GLYR1: variants seen among roughly 807,000 people sequenced by gnomAD.
The protein encoded by GLYR1 is glyoxylate reductase 1 homolog.
GLYR1 carries 21 observed loss-of-function variants against 72.7 expected under a neutral mutation model. The ratio of observed to expected loss-of-function variants is 0.29; its 90% CI spans 0.20 to 0.42. GLYR1 has a LOEUF of 0.42. Ranked by LOEUF, GLYR1 falls within the 10% of genes least tolerant of loss-of-function variation. The probability of loss-of-function intolerance (pLI) is 1.00; values close to 1 mark genes in which losing one functional copy is unlikely to be tolerated. For synonymous variants in GLYR1, 392 were observed against 270.2 expected (o/e 1.45, Z -4.42); for missense variants, 594 against 712.1 (o/e 0.83, Z 1.89).
chr16:4,825,068 G>A (rs1402118255), intron 5 of GLYR1, among the ~76,000 whole-genome samples: 1 of 152,092 alleles, frequency 6.6e-6, no homozygotes, highest in African/African-American at 2.4e-5. Context: ...AGGCCACCTG[G>A]ACAATTGCAA....
chr16:4,835,156 C>G (rs2085051140), intron 3 of GLYR1, among the ~76,000 whole-genome samples: 1 of 152,160 alleles, frequency 6.6e-6, no homozygotes, highest in African/African-American at 2.4e-5. Flanking sequence ...GGACAACAGA[C>G]TCCGAGACTT....
intron 5 of GLYR1, among the ~76,000 whole-genome samples, chr16:4,827,879 G>A (rs539091317): frequency 1.3e-5 from 2 of 151,862 alleles, no homozygotes; most frequent in Non-Finnish European, 2.9e-5. Flanking sequence ...CAGCCTGGGC[G>A]ACAGCACGAG....
At chr16:4,825,593 T>A (rs930183608) in intron 5 of GLYR1, among the ~76,000 whole-genome samples, 2 of 152,220 alleles carry the variant, frequency 1.3e-5, no homozygotes, top group Non-Finnish European at 1.5e-5. Flanking sequence ...CAATAAGTCC[T>A]ATTTTATACA....
At position 4,804,030 on chromosome 16, in the gene GLYR1, C is replaced by T. The variant is rs2082835305; in HGVS notation, c.*1206G>A. 6.6e-6 allele frequency: 1 copy of T among 152,248 alleles called. No individual in the cohort carries two copies. Among genetic ancestry groups the T allele is most frequent in the Non-Finnish European group, 1.5e-5 (1 of 68,116 alleles). The allele number at this position is 152,248 out of a possible 1,614,324, so 9.4% of individuals were successfully genotyped here. ...GGTAGGTCAGGCCCAGTTCTCTTCC[C>T]TCCCGACAGACCCCGGGCCCGGGAA... On this transcript the variant is annotated 3_prime_UTR_variant, in exon 16 of 16. Coordinates refer to ENST00000321919, the MANE Select transcript of GLYR1 (RefSeq NM_032569.4).
intron 15 of GLYR1, among the ~76,000 whole-genome samples, chr16:4,810,699 TAAAAAAA>T (rs551202037): frequency 0.029 from 623 of 21,844 alleles, 11 homozygotes; most frequent in African/African-American, 0.15. Context: ...CTGTCTCTAC[TAAAAAAA>T]AAAAAAAAAA....
intron 9 of GLYR1, among the ~76,000 whole-genome samples, chr16:4,820,371 T>G (rs1231646705): frequency 6.6e-6 from 1 of 152,198 alleles, no homozygotes; most frequent in Non-Finnish European, 1.5e-5. Flanking sequence ...TTAAGGTGGG[T>G]TGGGCAACAA....
chr16:4,811,486 C>T (rs568591091), intron 14 of GLYR1, 137 bp downstream of exon 14: 4 of 1,284,048 alleles, frequency 3.1e-6, no homozygotes, highest in Non-Finnish European at 2.2e-6. Context: ...ATCCCGCCCA[C>T]TGTGTTTCTG....
chr16:4,830,192 C>A (rs997014597), intron 5 of GLYR1, among the ~76,000 whole-genome samples: 9 of 148,018 alleles, frequency 6.1e-5, no homozygotes, highest in Admixed American at 3.4e-4. Context: ...GGATTACAGG[C>A]ATAAGCCACT....
At chr16:4,831,044 T>A (rs978824558) in intron 5 of GLYR1, among the ~76,000 whole-genome samples, 1 of 152,180 alleles carries the variant, frequency 6.6e-6, no homozygotes, top group African/African-American at 2.4e-5. Flanking sequence ...CTGGTACTCT[T>A]TCTCCACAAG....
intron 9 of GLYR1, among the ~76,000 whole-genome samples, chr16:4,818,954 T>A (rs1031017144): frequency 6.6e-6 from 1 of 152,124 alleles, no homozygotes; most frequent in Admixed American, 6.6e-5. Context: ...CACATTCACA[T>A]ACTCCGCCTG....
intron 5 of GLYR1, among the ~76,000 whole-genome samples, chr16:4,826,459 A>G (rs1567735389): frequency 6.6e-6 from 1 of 152,184 alleles, no homozygotes; most frequent in Non-Finnish European, 1.5e-5. Flanking sequence ...ATCCTAGAAA[A>G]GCAAGAACTC....
rs1360922021 is a variant in GLYR1, at chr16:4,804,359, C to G, written c.*877G>C. ...GAAACAGAAAGGAGCGCCCCCAACC[C>G]CCACTCCTCTTGGCTCATCACTAGT... On this transcript the variant is annotated 3_prime_UTR_variant, in exon 16 of 16. Coordinates refer to ENST00000321919, the MANE Select transcript of GLYR1 (RefSeq NM_032569.4). 1 of 153,170 alleles carries G rather than the reference C, an allele frequency of 6.5e-6. No homozygotes were observed. Among genetic ancestry groups the G allele is most frequent in the Non-Finnish European group, 1.5e-5 (1 of 68,520 alleles). 9.5% of individuals were successfully genotyped at this position (153,170 alleles called of 1,614,324 possible).
intron 2 of GLYR1, 82 bp downstream of exon 2, chr16:4,846,092 G>T: frequency 1.4e-6 from 2 of 1,464,420 alleles, no homozygotes; most frequent in South Asian, 2.3e-5. Flanking sequence ...CTCAATACTA[G>T]AAACTGAGAG....
At chr16:4,812,975 T>C (rs2083413311) in intron 12 of GLYR1, among the ~76,000 whole-genome samples, 1 of 151,310 alleles carries the variant, frequency 6.6e-6, no homozygotes, top group Admixed American at 6.6e-5. Context: ...TTTTTTTTTT[T>C]TTTTTGAGAC....
Position 4,812,180 on chromosome 16 carries a change from G to A in GLYR1, c.1188C>T (p.Asp396=), listed in dbSNP as rs188639121. The part of the protein sequence containing the change: ...PVSGNQQLSN[D]GMLVILAAGD... ...CAGCCGCTAAGATCACCAACATCCCGTCATTAGACAGCTGCTGATTCCCTG... is the reference window on the plus strand; with the variant it reads ...CAGCCGCTAAGATCACCAACATCCCATCATTAGACAGCTGCTGATTCCCTG... The change falls in exon 13 of 16, where the codon GAC becomes GAT. Residue 396 remains aspartate (D), a synonymous_variant. Coordinates refer to ENST00000321919, the MANE Select transcript of GLYR1 (RefSeq NM_032569.4). 9.9e-5 allele frequency: 160 copies of A among 1,614,084 alleles called. No homozygotes were observed. The East Asian group carries it at 2.7e-3, about 27-fold the overall frequency.
At chr16:4,846,390 G>A (rs1179962388) in intron 1 of GLYR1, among the ~76,000 whole-genome samples, 180 bp from the exon 2 acceptor site, 1 of 152,230 alleles carries the variant, frequency 6.6e-6, no homozygotes, top group African/African-American at 2.4e-5. Context: ...ATACTTATGT[G>A]CACAACGCAT....
intron 12 of GLYR1, among the ~76,000 whole-genome samples, chr16:4,813,100 C>A (rs2083422241): frequency 6.6e-6 from 1 of 152,048 alleles, no homozygotes; most frequent in Non-Finnish European, 1.5e-5. Flanking sequence ...GTAGCTGGGA[C>A]TACAGGTGCC....
chr16:4,825,511 T>C (rs759864525), intron 5 of GLYR1, among the ~76,000 whole-genome samples: 1 of 152,216 alleles, frequency 6.6e-6, no homozygotes, highest in Non-Finnish European at 1.5e-5. Context: ...TGTTTGCCCA[T>C]AGAACATGAT....
At chr16:4,829,497 T>C (rs1169330386) in intron 5 of GLYR1, among the ~76,000 whole-genome samples, 1 of 151,214 alleles carries the variant, frequency 6.6e-6, no homozygotes, top group African/African-American at 2.4e-5. Flanking sequence ...TTTTTTGTTG[T>C]TTTTTTTGAG....
Sources: gnomAD v4.1 joint callset for allele counts (sites outside exome capture counted in the v4.1 genomes callset) on GRCh38, gnomAD v4.1.1 for gene constraint, MANE v1.5 for transcripts, NCBI Gene and HGNC (gene_info 2026-07-23, HGNC 2026-07-21) for gene names.